Variants in PCDHA2 observed in about 807,000 individuals in gnomAD.
PCDHA2 encodes the protein protocadherin alpha-2.
In PCDHA2, 58 loss-of-function variants were observed where a neutral mutation model predicts 66.0. The observed-to-expected ratio is 0.88, with a 90% confidence interval of 0.71 to 1.09. The LOEUF (loss-of-function observed/expected upper bound fraction) is 1.09, where lower values mean the gene tolerates loss of function less well. PCDHA2 is among the 50% of genes least tolerant of loss of function. The pLI, the probability that PCDHA2 is intolerant of heterozygous loss-of-function variation, is 0.00. For missense variants in PCDHA2, 1,267 were observed against 1,242.3 expected, an observed-to-expected ratio of 1.02 and a Z score of -0.30; for synonymous variants, 634 against 554.0, an observed-to-expected ratio of 1.14 and a Z score of -2.03.
At position 140,796,248 on chromosome 5, in the gene PCDHA2, G is replaced by C. The variant is rs1762054678; in HGVS notation, c.1284G>C (p.Arg428=). Residue 428 remains arginine, a synonymous_variant, in exon 1 of 4, where the codon CGG becomes CGC. Coordinates refer to ENST00000526136, the MANE Select transcript of PCDHA2 (RefSeq NM_018905.3). The part of the protein sequence containing the change: ...VSAYELVVTA[R]DGGSPSLWAT... Reference sequence around the variant, plus strand: ...CCTATGAGCTGGTGGTGACCGCACGGGACGGGGGCTCGCCTTCACTGTGGG... The same window carrying C: ...CCTATGAGCTGGTGGTGACCGCACGCGACGGGGGCTCGCCTTCACTGTGGG... 6.2e-7 allele frequency: 1 copy of C among 1,614,136 alleles called. No individual in the cohort carries two copies. Among genetic ancestry groups the C allele is most frequent in the Non-Finnish European group, 8.5e-7 (1 of 1,180,042 alleles).
chr5:140,888,263 A>G (rs1251792046), intron 1 of PCDHA2, among the ~76,000 whole-genome samples: 1 of 152,136 alleles, frequency 6.6e-6, no homozygotes, highest in East Asian at 1.9e-4. Flanking sequence ...GTTCTTGATA[A>G]GAAACAGTTT....
chr5:140,808,058 T>G, intron 1 of PCDHA2: 2 of 1,613,892 alleles, frequency 1.2e-6, no homozygotes, highest in African/African-American at 1.3e-5. Flanking sequence ...AAATGTGAAA[T>G]CCAAGTTTCA....
chr5:140,808,521 T>G, intron 1 of PCDHA2: 1 of 1,613,976 alleles, frequency 6.2e-7, no homozygotes, highest in Non-Finnish European at 8.5e-7. Flanking sequence ...TCTGTGGAGG[T>G]GGCTGATGTG....
intron 1 of PCDHA2, among the ~76,000 whole-genome samples, chr5:140,936,396 A>G (rs983509296): frequency 1.4e-4 from 22 of 152,112 alleles, no homozygotes; most frequent in African/African-American, 5.3e-4. Flanking sequence ...AAACTGGGCT[A>G]CTCAATTTTT....
chr5:140,834,672 G>T, intron 1 of PCDHA2: 1 of 1,614,242 alleles, frequency 6.2e-7, no homozygotes, highest in Non-Finnish European at 8.5e-7. Flanking sequence ...GGAGCTGTGC[G>T]GGCGGAGCGC....
intron 1 of PCDHA2, chr5:140,802,821 G>A (rs781849256): frequency 3.1e-6 from 5 of 1,613,484 alleles, no homozygotes; most frequent in Non-Finnish European, 4.2e-6. Context: ...CGATGCGGGC[G>A]TGCCGCCTCT....
chr5:140,829,651 G>A (rs2150172119), intron 1 of PCDHA2: 1 of 1,612,432 alleles, frequency 6.2e-7, no homozygotes, highest in South Asian at 1.1e-5. Flanking sequence ...TGTACGCGCT[G>A]CAGCCGCTGG....
chr5:140,840,456 A>C (rs1776712177), intron 1 of PCDHA2, among the ~76,000 whole-genome samples: 1 of 151,992 alleles, frequency 6.6e-6, no homozygotes, highest in African/African-American at 2.4e-5. Flanking sequence ...ACGTTAAATA[A>C]AAAGTTGGGG....
chr5:140,807,778 G>C, intron 1 of PCDHA2: 1 of 1,614,134 alleles, frequency 6.2e-7, no homozygotes, highest in Non-Finnish European at 8.5e-7. Context: ...TTATATTACG[G>C]AAATCTTTAG....
chr5:140,905,086 G>A (rs1454643340), intron 1 of PCDHA2, among the ~76,000 whole-genome samples: 1 of 152,056 alleles, frequency 6.6e-6, no homozygotes, highest in Non-Finnish European at 1.5e-5. Flanking sequence ...CTTTCTTTTG[G>A]GTTCTCAGTC....
chr5:140,966,279 G>A, intron 1 of PCDHA2: 1 of 364,628 alleles, frequency 2.7e-6, no homozygotes, highest in Non-Finnish European at 4.9e-6. Flanking sequence ...ACTGGACAGT[G>A]GGGGTAGGGA....
At chr5:140,832,455 G>A (rs2150201808) in intron 1 of PCDHA2, among the ~76,000 whole-genome samples, 8 of 152,070 alleles carry the variant, frequency 5.3e-5, no homozygotes, top group Non-Finnish European at 1.2e-4. Flanking sequence ...AATTAATATT[G>A]CACTAAAATT....
intron 1 of PCDHA2, among the ~76,000 whole-genome samples, chr5:140,940,230 TA>T (rs2153645241): frequency 6.6e-6 from 1 of 152,330 alleles, no homozygotes; most frequent in Non-Finnish European, 1.5e-5. Flanking sequence ...TTCATTTTGG[TA>T]CATTAAAGTT....
chr5:140,888,628 T>C (rs2061913275), intron 1 of PCDHA2, among the ~76,000 whole-genome samples: 1 of 152,242 alleles, frequency 6.6e-6, no homozygotes, highest in Admixed American at 6.5e-5. Flanking sequence ...TTCGGCCTTC[T>C]ATTACAGCAA....
chr5:140,917,334 G>GC (rs1563019411), intron 1 of PCDHA2, among the ~76,000 whole-genome samples: 1 of 147,630 alleles, frequency 6.8e-6, no homozygotes, highest in Non-Finnish European at 1.5e-5. Context: ...CGGGGGAGGG[G>GC]GGGGATGGTG....
intron 1 of PCDHA2, among the ~76,000 whole-genome samples, chr5:140,974,059 G>A (rs1233997260): frequency 6.6e-6 from 1 of 152,180 alleles, no homozygotes; most frequent in Non-Finnish European, 1.5e-5. Context: ...AATATTTGGA[G>A]CAGTATAATC....
intron 1 of PCDHA2, among the ~76,000 whole-genome samples, chr5:140,954,167 CT>C (rs1366012595): frequency 2.6e-5 from 4 of 152,212 alleles, no homozygotes; most frequent in African/African-American, 9.6e-5. Context: ...ACCACATTTT[CT>C]TTATCCAGTC....
intron 1 of PCDHA2, among the ~76,000 whole-genome samples, chr5:140,922,031 G>T (rs933616833): frequency 6.6e-6 from 1 of 152,010 alleles, no homozygotes; most frequent in African/African-American, 2.4e-5. Context: ...TATAAAAAAT[G>T]TAATTTTCCC....
At position 140,857,694 on chromosome 5, in the gene PCDHA2, C is replaced by T. The variant is rs1554150531; in HGVS notation, c.2388+60342C>T. 1 of 1,597,142 alleles carries T rather than the reference C, an allele frequency of 6.3e-7. No individual in the cohort carries two copies. Among genetic ancestry groups the T allele is most frequent in the Non-Finnish European group, 8.6e-7 (1 of 1,167,746 alleles). On this transcript the variant is annotated intron_variant, in intron 1 of 3. Coordinates refer to ENST00000526136, the MANE Select transcript of PCDHA2 (RefSeq NM_018905.3). Reference sequence around the variant, plus strand: ...GTGCCGCCTCTGGGCAGCAACTTGACGCTGCAGGTGTTCGTGCTGGACGAG... The same window carrying T: ...GTGCCGCCTCTGGGCAGCAACTTGATGCTGCAGGTGTTCGTGCTGGACGAG...
Sources: gnomAD v4.1 joint callset for allele counts (sites outside exome capture counted in the v4.1 genomes callset) on GRCh38, gnomAD v4.1.1 for gene constraint, MANE v1.5 for transcripts, NCBI Gene and HGNC (gene_info 2026-07-23, HGNC 2026-07-21) for gene names.